Variants in NYAP2 observed in about 807,000 individuals in gnomAD.
The protein encoded by NYAP2 is neuronal tyrosine-phosphorylated phosphoinositide-3-kinase adaptor 2.
A neutral mutation model predicts 50.4 loss-of-function variants in NYAP2; 23 were observed. The ratio of observed to expected loss-of-function variants is 0.46; its 90% CI spans 0.33 to 0.65. NYAP2 has a LOEUF of 0.65. Among genes scored for constraint, NYAP2 ranks in the 30% least tolerant of loss-of-function variants. The probability of loss-of-function intolerance (pLI) is 0.02; values close to 1 mark genes in which losing one functional copy is unlikely to be tolerated. For missense variants in NYAP2, 885 were observed against 861.0 expected (o/e 1.03, Z -0.35); for synonymous variants, 394 against 365.2 (o/e 1.08, Z -0.90).
At chr2:225,575,243 G>A (rs1692151249) in intron 4 of NYAP2, among the ~76,000 whole-genome samples, 1 of 152,112 alleles carries the variant, frequency 6.6e-6, no homozygotes, top group South Asian at 2.1e-4. Flanking sequence ...CAGCTTTAGA[G>A]CTTACAGCTG....
the NYAP2 span, among the ~76,000 whole-genome samples, chr2:225,687,675 A>G: frequency 2.0e-5 from 3 of 152,218 alleles, no homozygotes; most frequent in African/African-American, 7.2e-5. Flanking sequence ...ATGCATAGAG[A>G]TACATGGATA....
At chr2:225,559,085 A>C (rs941895960) in intron 4 of NYAP2, among the ~76,000 whole-genome samples, 1 of 151,968 alleles carries the variant, frequency 6.6e-6, no homozygotes, top group African/African-American at 2.4e-5. Flanking sequence ...CTCTCTGTTT[A>C]TGTTTTAGAA....
At chr2:225,581,016 G>T (rs1358347083) in intron 4 of NYAP2, among the ~76,000 whole-genome samples, 1 of 152,160 alleles carries the variant, frequency 6.6e-6, no homozygotes, top group East Asian at 1.9e-4. Flanking sequence ...CTAAACAACT[G>T]AATTTAGTCA....
chr2:225,662,292 G>A, the NYAP2 span, among the ~76,000 whole-genome samples: 1 of 152,208 alleles, frequency 6.6e-6, no homozygotes, highest in Non-Finnish European at 1.5e-5. Flanking sequence ...CTAGTGCCAT[G>A]GGACATCAGC....
intron 5 of NYAP2, among the ~76,000 whole-genome samples, chr2:225,584,076 G>C (rs1692349794): frequency 6.6e-6 from 1 of 151,956 alleles, no homozygotes; most frequent in Non-Finnish European, 1.5e-5. Context: ...AAACCTTCTT[G>C]AGCAAATTCC....
At chr2:225,697,394 C>T in the NYAP2 span, among the ~76,000 whole-genome samples, 7 of 151,804 alleles carry the variant, frequency 4.6e-5, no homozygotes, top group East Asian at 1.9e-4. Context: ...AGACATTTGC[C>T]GAAGCATCAA....
intron 4 of NYAP2, among the ~76,000 whole-genome samples, chr2:225,529,125 A>G (rs915468927): frequency 6.6e-6 from 1 of 152,210 alleles, no homozygotes; most frequent in Non-Finnish European, 1.5e-5. Flanking sequence ...TCTAAACAAA[A>G]TGGCAGAAAG....
chr2:225,625,043 T>TAAAAAAAAAA (rs386392796), intron 5 of NYAP2, among the ~76,000 whole-genome samples: 2 of 69,628 alleles, frequency 2.9e-5, no homozygotes, highest in African/African-American at 1.2e-4. Context: ...AACCCAAGCG[T>TAAAAAAAAAA]AAAAAAAAAA....
the NYAP2 span, among the ~76,000 whole-genome samples, chr2:225,676,261 T>C: frequency 2.0e-5 from 3 of 152,148 alleles, no homozygotes; most frequent in South Asian, 2.1e-4. Context: ...CTGTTTTTTT[T>C]CTAGGATTTT....
intron 3 of NYAP2, among the ~76,000 whole-genome samples, chr2:225,476,750 C>A (rs1690114986): frequency 6.6e-6 from 1 of 152,116 alleles, no homozygotes; most frequent in African/African-American, 2.4e-5. Flanking sequence ...GAGATACATA[C>A]ATCATTATAT....
chr2:225,635,220 C>T (rs1693391351), intron 6 of NYAP2, among the ~76,000 whole-genome samples: 1 of 152,194 alleles, frequency 6.6e-6, no homozygotes, highest in East Asian at 1.9e-4. Flanking sequence ...GAACAGTACT[C>T]ATGACGGTCC....
chr2:225,670,467 G>A, the NYAP2 span, among the ~76,000 whole-genome samples: 1,703 of 152,072 alleles, frequency 0.011, 27 homozygotes, highest in African/African-American at 0.037. Context: ...CCATTTCAAT[G>A]TAATTCTGCA....
chr2:225,620,535 A>C (rs1693081156), intron 5 of NYAP2, among the ~76,000 whole-genome samples: 1 of 152,206 alleles, frequency 6.6e-6, no homozygotes, highest in South Asian at 2.1e-4. Flanking sequence ...TTATTCCCAA[A>C]TAAAATTCTC....
At chr2:225,664,010 T>A in the NYAP2 span, among the ~76,000 whole-genome samples, 2 of 152,168 alleles carry the variant, frequency 1.3e-5, no homozygotes, top group Non-Finnish European at 2.9e-5. Context: ...AAGGCTTTTT[T>A]ATCTTTCCCA....
chr2:225,552,577 G>A (rs1457167065), intron 4 of NYAP2, among the ~76,000 whole-genome samples: 1 of 151,978 alleles, frequency 6.6e-6, no homozygotes, highest in East Asian at 1.9e-4. Context: ...CTCTCTCTCT[G>A]CTCTCTACTG....
intron 3 of NYAP2, among the ~76,000 whole-genome samples, chr2:225,461,905 T>C (rs1689840400): frequency 6.6e-6 from 1 of 152,240 alleles, no homozygotes; most frequent in African/African-American, 2.4e-5. Context: ...TTTTGTTTTA[T>C]TATTTATTTG....
At chr2:225,613,812 A>T (rs1444512428) in intron 5 of NYAP2, among the ~76,000 whole-genome samples, 2 of 152,146 alleles carry the variant, frequency 1.3e-5, no homozygotes. Context: ...TATATAGTCC[A>T]CTGTGATTTG....
At chr2:225,627,101 C>T (rs1693223857) in exon 6 of NYAP2, 6 of 1,590,478 alleles carry the variant, frequency 3.8e-6, no homozygotes, top group Non-Finnish European at 5.1e-6. Context: ...TGAGCCCCAC[C>T]TTGTTAGCGG....
chr2:225,508,020 C>T lies in NYAP2; in HGVS notation c.222-5351C>T, dbSNP rs187957216. 2.6e-3 allele frequency among the ~76,000 whole-genome samples: 393 copies of T among 152,288 alleles called. 1 individual carries two copies. The highest frequency in any genetic ancestry group is 6.8e-3 in the Middle Eastern group (2 of 292). On this transcript the variant is annotated intron_variant, in intron 3 of 6. Coordinates refer to ENST00000636099, the Ensembl canonical transcript of NYAP2. Reference sequence around the variant, plus strand: ...ATATTTACAAACATTGCATCAATTACTTCTGGAAAAATAACCCTCCTTGAT... The same window carrying T: ...ATATTTACAAACATTGCATCAATTATTTCTGGAAAAATAACCCTCCTTGAT...
Sources: allele counts gnomAD v4.1 joint callset (sites outside exome capture counted in the v4.1 genomes callset), GRCh38; gene constraint gnomAD v4.1.1; transcripts MANE v1.5; gene names NCBI Gene and HGNC (gene_info 2026-07-23, HGNC 2026-07-21).